Variants in ZMAT5 observed in about 807,000 individuals in gnomAD.
ZMAT5 encodes the protein zinc finger matrin-type 5.
ZMAT5 carries 23 observed loss-of-function variants against 28.0 expected under a neutral mutation model. The ratio of observed to expected loss-of-function variants is 0.82; its 90% CI spans 0.59 to 1.16. ZMAT5 has a LOEUF of 1.16. Among genes scored for constraint, ZMAT5 ranks in the 50% most tolerant of loss-of-function variants. The pLI is 0.00. For missense variants in ZMAT5, 173 were observed against 212.7 expected (o/e 0.81, Z 1.16); for synonymous variants, 76 against 84.1 (o/e 0.90, Z 0.52).
rs560189732 is a variant in ZMAT5, at chr22:29,736,355, T to C, written c.383+1975A>G. 3.8e-4 allele frequency among the ~76,000 whole-genome samples: 58 copies of C among 152,292 alleles called. 1 individual carries two copies. The highest frequency in any genetic ancestry group is 6.5e-4 in the Admixed American group (10 of 15,306). On this transcript the variant is annotated intron_variant, in intron 5 of 5. Coordinates refer to ENST00000344318, the MANE Select transcript of ZMAT5 (RefSeq NM_001003692.2). ...GTTTGAGTCATGTCTGTACCACATA[T>C]ACTTTTAAGGTGGGGAGACAAAAAC...
At chr22:29,766,086 G>A (rs2068208726) in intron 1 of ZMAT5, among the ~76,000 whole-genome samples, 1 of 152,202 alleles carries the variant, frequency 6.6e-6, no homozygotes, top group Non-Finnish European at 1.5e-5. Context: ...GGGCGAGGCA[G>A]GAAGATTGCT....
At chr22:29,742,101 G>A (rs1386958411) in intron 3 of ZMAT5, among the ~76,000 whole-genome samples, 1 of 152,190 alleles carries the variant, frequency 6.6e-6, no homozygotes, top group African/African-American at 2.4e-5. Context: ...AGGAGGCCAG[G>A]TTCCCAGGCT....
intron 2 of ZMAT5, among the ~76,000 whole-genome samples, chr22:29,745,558 A>C (rs2068001930): frequency 6.6e-6 from 1 of 152,238 alleles, no homozygotes; most frequent in African/African-American, 2.4e-5. Context: ...CTGAGGACCC[A>C]CAGGCACCAT....
Position 29,738,451 on chromosome 22 carries a change from C to T in ZMAT5, c.272-10G>A, listed in dbSNP as rs769200444. ...CTGGCTCGCCTCTCCTCTGTGGGGA[C>T]AGGGAGACAAAGGCAAGTGAGGGGT... On this transcript the variant is annotated splice_polypyrimidine_tract_variant and intron_variant, in intron 4 of 5. Coordinates refer to ENST00000344318, the MANE Select transcript of ZMAT5 (RefSeq NM_001003692.2). 1 of 1,607,786 alleles carries T rather than the reference C, an allele frequency of 6.2e-7. No individual in the cohort carries two copies. The highest frequency in any genetic ancestry group is 1.7e-5 in the Admixed American group (1 of 59,938).
chr22:29,765,779 A>G (rs890031401), intron 1 of ZMAT5, among the ~76,000 whole-genome samples: 1 of 152,154 alleles, frequency 6.6e-6, no homozygotes, highest in Non-Finnish European at 1.5e-5. Flanking sequence ...GAAGCAGGAG[A>G]ATCACTTGAA....
intron 1 of ZMAT5, among the ~76,000 whole-genome samples, chr22:29,751,181 G>GGGA (rs1414670439): frequency 6.6e-6 from 1 of 152,156 alleles, no homozygotes; most frequent in Non-Finnish European, 1.5e-5. Flanking sequence ...GGGAAGGGAG[G>GGGA]GGACAGGGAG....
chr22:29,740,722 C>T lies in ZMAT5; in HGVS notation c.199G>A (p.Asp67Asn), dbSNP rs1429396161. The T allele has an allele frequency of 1.3e-6, 2 of 1,596,038 alleles. No homozygotes were observed. The highest frequency in any genetic ancestry group is 1.7e-6 in the Non-Finnish European group (2 of 1,171,586). Residue 67 changes from aspartate (D) to asparagine (N), a missense_variant, in exon 4 of 6, where the codon GAC becomes AAC. Coordinates refer to ENST00000344318, the MANE Select transcript of ZMAT5 (RefSeq NM_001003692.2). ...CRKFLLTGQC[D>N]FGSNCRFSHM... Reference sequence around the variant, plus strand: ...GAAAATCTGCAGTTGGAGCCAAAGTCGCACTGGCCTGCAGCAGGAAGACAG... The same window carrying T: ...GAAAATCTGCAGTTGGAGCCAAAGTTGCACTGGCCTGCAGCAGGAAGACAG...
intron 5 of ZMAT5, among the ~76,000 whole-genome samples, chr22:29,734,737 C>T (rs982858397): frequency 4.5e-4 from 69 of 152,312 alleles, no homozygotes; most frequent in African/African-American, 1.5e-3. Flanking sequence ...AAGCTGCTGC[C>T]GAGTGTCCAG....
At chr22:29,732,376 A>G (rs1264523668) in intron 5 of ZMAT5, among the ~76,000 whole-genome samples, 1 of 152,156 alleles carries the variant, frequency 6.6e-6, no homozygotes, top group Non-Finnish European at 1.5e-5. Flanking sequence ...GCAGCCATTG[A>G]GTTACAGCAA....
intron 5 of ZMAT5, among the ~76,000 whole-genome samples, chr22:29,732,869 T>A (rs1000314686): frequency 6.6e-6 from 1 of 151,382 alleles, no homozygotes; most frequent in African/African-American, 2.4e-5. Flanking sequence ...CCCCAGAGGA[T>A]GTAGACCAGG....
intron 1 of ZMAT5, 69 bp from the exon 2 acceptor site, chr22:29,748,640 C>T: frequency 6.4e-7 from 1 of 1,573,720 alleles, no homozygotes; most frequent in South Asian, 1.1e-5. Flanking sequence ...CCACTGAATG[C>T]TTCCTGAGGG....
intron 1 of ZMAT5, among the ~76,000 whole-genome samples, chr22:29,764,781 G>A (rs1479142495): frequency 6.6e-6 from 1 of 152,136 alleles, no homozygotes; most frequent in Non-Finnish European, 1.5e-5. Flanking sequence ...GGGATTACAG[G>A]TGTGAGCCAC....
chr22:29,737,962 CCT>C (rs1363704313), intron 5 of ZMAT5, among the ~76,000 whole-genome samples: 2 of 152,134 alleles, frequency 1.3e-5, no homozygotes, highest in Non-Finnish European at 2.9e-5. Flanking sequence ...TCGCACCCTC[CCT>C]GTTTTCCCTT....
At chr22:29,738,760 T>C (rs768288441) in intron 4 of ZMAT5, among the ~76,000 whole-genome samples, 3 of 151,982 alleles carry the variant, frequency 2.0e-5, no homozygotes, top group Non-Finnish European at 2.9e-5. Flanking sequence ...TCCCAGCACT[T>C]TGGGATGCCA....
At chr22:29,761,977 C>T (rs545962516) in intron 1 of ZMAT5, among the ~76,000 whole-genome samples, 1 of 152,088 alleles carries the variant, frequency 6.6e-6, no homozygotes, top group East Asian at 1.9e-4. Context: ...AAACTAAGAG[C>T]CACTGACATA....
At chr22:29,739,072 G>C (rs1601717603) in intron 4 of ZMAT5, among the ~76,000 whole-genome samples, 1 of 152,116 alleles carries the variant, frequency 6.6e-6, no homozygotes, top group East Asian at 1.9e-4. Context: ...TGAGGTGCAG[G>C]GAGGCAGTGA....
At chr22:29,757,972 G>A (rs903359130) in intron 1 of ZMAT5, among the ~76,000 whole-genome samples, 3 of 150,274 alleles carry the variant, frequency 2.0e-5, no homozygotes, top group Non-Finnish European at 3.0e-5. Context: ...AGCCGAGATC[G>A]CCACTGCACT....
At chr22:29,766,348 C>T (rs750933766) in intron 1 of ZMAT5, among the ~76,000 whole-genome samples, 1 of 152,166 alleles carries the variant, frequency 6.6e-6, no homozygotes. Flanking sequence ...AAGTGTCACC[C>T]CCCAGAGCAG....
In ZMAT5 at chr22:29,740,747, G is replaced by C; in HGVS notation, c.191-17C>G. On this transcript the variant is annotated splice_polypyrimidine_tract_variant and intron_variant, in intron 3 of 5. Coordinates refer to ENST00000344318, the MANE Select transcript of ZMAT5 (RefSeq NM_001003692.2). The stretch of plus-strand genomic sequence containing the variant: ...CGCACTGGCCTGCAGCAGGAAGACA[G>C]AGTTACTCGCTGCTCGGGAGGGGCT... The C allele has an allele frequency of 6.3e-7, 1 of 1,582,464 alleles. No individual in the cohort carries two copies. Among genetic ancestry groups the C allele is most frequent in the South Asian group, 1.2e-5 (1 of 86,396 alleles).
Sources: gnomAD v4.1 joint callset for allele counts (sites outside exome capture counted in the v4.1 genomes callset) on GRCh38, gnomAD v4.1.1 for gene constraint, MANE v1.5 for transcripts, NCBI Gene and HGNC (gene_info 2026-07-23, HGNC 2026-07-21) for gene names.